Variants in MALT1 observed in about 807,000 individuals in gnomAD.
The protein encoded by MALT1 is mucosa-associated lymphoid tissue lymphoma translocation protein 1.
In MALT1, 36 loss-of-function variants were observed where a neutral mutation model predicts 85.5. The ratio of observed to expected loss-of-function variants is 0.42; its 90% CI spans 0.32 to 0.56. The LOEUF (loss-of-function observed/expected upper bound fraction) is 0.56, where lower values mean the gene tolerates loss of function less well. Among genes scored for constraint, MALT1 ranks in the 20% least tolerant of loss-of-function variants. The probability of loss-of-function intolerance (pLI) is 0.10; values close to 1 mark genes in which losing one functional copy is unlikely to be tolerated. For missense variants in MALT1, 716 were observed against 981.6 expected (o/e 0.73, Z 3.62); for synonymous variants, 359 against 361.3 (o/e 0.99, Z 0.07).
Position 58,741,858 on chromosome 18 carries a change from C to A in MALT1, c.1604-7C>A. 5 of 1,460,850 alleles carry A rather than the reference C, an allele frequency of 3.4e-6. No homozygotes were observed. The highest frequency in any genetic ancestry group is 2.3e-5 in the East Asian group (1 of 43,122). The allele number at this position is 1,460,850 out of a possible 1,614,324, so 90.5% of individuals were successfully genotyped here. A position where few individuals can be genotyped will look rare whatever the true frequency, so the allele number is the denominator to read the frequency against. On this transcript the variant is annotated splice_polypyrimidine_tract_variant and splice_region_variant and intron_variant, in intron 13 of 16. Coordinates refer to ENST00000649217, the MANE Select transcript of MALT1 (RefSeq NM_006785.4). ...TTAAAAATAATATTTATTTTCATAT[C>A]TTTTAGATATGGGTAAGTGTCACCT...
At chr18:58,683,053 A>G (rs2054345928) in intron 2 of MALT1, among the ~76,000 whole-genome samples, 1 of 152,230 alleles carries the variant, frequency 6.6e-6, no homozygotes, top group Non-Finnish European at 1.5e-5. Context: ...CATTACTGAT[A>G]GAAACAGTAG....
chr18:58,704,850 G>T (rs1261402452), intron 4 of MALT1, among the ~76,000 whole-genome samples: 1 of 152,096 alleles, frequency 6.6e-6, no homozygotes, highest in Non-Finnish European at 1.5e-5. Context: ...ACAGAATACA[G>T]GTAAGTGTTG....
chr18:58,729,007 AAGTC>A (rs113776248), intron 10 of MALT1, among the ~76,000 whole-genome samples: 73 of 152,304 alleles, frequency 4.8e-4, no homozygotes, highest in Middle Eastern at 3.4e-3. Flanking sequence ...TTTCTACTAA[AAGTC>A]AGACCCTTGA....
intron 4 of MALT1, among the ~76,000 whole-genome samples, chr18:58,708,796 A>G (rs945224018): frequency 5.9e-5 from 9 of 152,256 alleles, no homozygotes; most frequent in African/African-American, 2.2e-4. Flanking sequence ...ACTGAGTTTC[A>G]TAATGGAGAC....
chr18:58,752,446 CCT>C lies in MALT1; in HGVS notation c.*4605_*4606del, dbSNP rs1266927266. ...TACACATTACTTTTGTGCATTTCAT[CCT>C]GTTTCTCAGTTTGACATTGTCATTC... On this transcript the variant is annotated 3_prime_UTR_variant, in exon 17 of 17. Coordinates refer to ENST00000649217, the MANE Select transcript of MALT1 (RefSeq NM_006785.4). 6.6e-6 allele frequency: 1 copy of C among 152,116 alleles called. No individual in the cohort carries two copies. The highest frequency in any genetic ancestry group is 2.4e-5 in the African/African-American group (1 of 41,402). 9.4% of individuals were successfully genotyped at this position (152,116 alleles called of 1,614,324 possible).
chr18:58,726,334 G>T (rs747826722), intron 10 of MALT1, among the ~76,000 whole-genome samples: 1 of 152,186 alleles, frequency 6.6e-6, no homozygotes, highest in Non-Finnish European at 1.5e-5. Flanking sequence ...TACACTAAAT[G>T]TAAGTGTGGT....
intron 13 of MALT1, among the ~76,000 whole-genome samples, chr18:58,738,204 T>G (rs527511089): frequency 3.3e-5 from 5 of 152,228 alleles, no homozygotes; most frequent in Non-Finnish European, 7.4e-5. Context: ...CAAAAAAGTA[T>G]GCGTAGTTTT....
Position 58,747,527 on chromosome 18 carries a change from T to C in MALT1, c.2160T>C (p.Gly720=), listed in dbSNP as rs2055386317. The change falls in exon 17 of 17, where the codon GGT becomes GGC. Residue 720 remains glycine (G), a synonymous_variant. Coordinates refer to ENST00000649217, the MANE Select transcript of MALT1 (RefSeq NM_006785.4). ...PLIAKLDMHR[G]LGRKTCFQTC... is the part of the protein sequence containing the mutation. The stretch of plus-strand genomic sequence containing the variant: ...TTGCTAAATTAGACATGCATCGAGG[T>C]TTGGGAAGGAAGACTTGCTTTCAAA... The C allele has an allele frequency of 1.9e-6, 3 of 1,613,876 alleles. No homozygotes were observed. Among genetic ancestry groups the C allele is most frequent in the Non-Finnish European group, 2.5e-6 (3 of 1,179,990 alleles).
intron 2 of MALT1, among the ~76,000 whole-genome samples, chr18:58,692,407 C>CCTCTCTCTCTTTCTCTCT (rs2054519610): frequency 9.2e-5 from 12 of 130,458 alleles, no homozygotes; most frequent in African/African-American, 3.6e-4. Flanking sequence ...ACTGGCCATT[C>CCTCTCTCTCTTTCTCTCT]CTCTCTCTCT....
At chr18:58,696,257 T>G in intron 2 of MALT1, 109 bp from the exon 3 acceptor site, 2 of 894,600 alleles carry the variant, frequency 2.2e-6, no homozygotes, top group Non-Finnish European at 1.5e-6. Context: ...ATGACAAAGA[T>G]AAATATGCAA....
chr18:58,723,231 TTTTAGAC>T lies in MALT1; in HGVS notation c.1203_1209del (p.Leu402ArgfsTer43). ...AATGCTGTGGATGAGTTTTTACTCCTTTTAGACAAGGGAGTATATGGTAAGATATTTA... is the reference window on the plus strand; with the variant it reads ...AATGCTGTGGATGAGTTTTTACTCCTAAGGGAGTATATGGTAAGATATTTA... On this transcript the variant is annotated frameshift_variant, in exon 10 of 17. Coordinates refer to ENST00000649217, the MANE Select transcript of MALT1 (RefSeq NM_006785.4). LOFTEE classifies it high-confidence loss of function. 6.2e-7 allele frequency: 1 copy of T among 1,610,452 alleles called. No homozygotes were observed. Among genetic ancestry groups the T allele is most frequent in the Non-Finnish European group, 8.5e-7 (1 of 1,176,688 alleles).
At chr18:58,739,641 C>T (rs1305997356) in intron 13 of MALT1, among the ~76,000 whole-genome samples, 2 of 152,174 alleles carry the variant, frequency 1.3e-5, no homozygotes, top group Admixed American at 1.3e-4. Flanking sequence ...AGACTGACCT[C>T]CCACAAGCAT....
chr18:58,728,893 A>G (rs540734017), intron 10 of MALT1, among the ~76,000 whole-genome samples: 31 of 152,210 alleles, frequency 2.0e-4, no homozygotes, highest in African/African-American at 5.5e-4. Context: ...CTTCACCCCA[A>G]TCAAGTCTTG....
intron 7 of MALT1, among the ~76,000 whole-genome samples, chr18:58,712,497 A>T (rs1025185469): frequency 6.6e-5 from 10 of 152,192 alleles, no homozygotes; most frequent in African/African-American, 2.2e-4. Context: ...GGAGCTAAAA[A>T]AGTTGATCTC....
At position 58,697,565 on chromosome 18, in the gene MALT1, T is replaced by A. The variant is rs535154440; in HGVS notation, c.498+1078T>A. 2.0e-5 allele frequency among the ~76,000 whole-genome samples: 3 copies of A among 152,328 alleles called. No homozygotes were observed. In the South Asian group the frequency reaches 6.2e-4, roughly 32 times the overall value. ...AAGATTGCACCTAAAGGTATTTTTTTATCATATTTTCTCAATTGCAAAGTT... is the reference window on the plus strand; with the variant it reads ...AAGATTGCACCTAAAGGTATTTTTTAATCATATTTTCTCAATTGCAAAGTT... On this transcript the variant is annotated intron_variant, in intron 3 of 16. Coordinates refer to ENST00000649217, the MANE Select transcript of MALT1 (RefSeq NM_006785.4).
chr18:58,680,014 T>C lies in MALT1; in HGVS notation c.210-1156T>C, dbSNP rs114341709. ...GCCTGGGCAACATAGCAAGACAGCA[T>C]CTCTATTAAAAAAAAATTATCAAAA... On this transcript the variant is annotated intron_variant, in intron 1 of 16. Coordinates refer to ENST00000649217, the MANE Select transcript of MALT1 (RefSeq NM_006785.4). Among the ~76,000 whole-genome samples, 646 of 151,514 alleles carry C rather than the reference T, an allele frequency of 4.3e-3. 7 individuals carry two copies. Among genetic ancestry groups the C allele is most frequent in the African/African-American group, 0.014 (599 of 41,370 alleles).
intron 15 of MALT1, among the ~76,000 whole-genome samples, chr18:58,745,178 G>A (rs1568157808): frequency 1.3e-5 from 2 of 152,186 alleles, no homozygotes; most frequent in African/African-American, 2.4e-5. Context: ...AGCAAGCTGG[G>A]GGCCTGTGGG....
At position 58,735,311 on chromosome 18, in the gene MALT1, C is replaced by T. The variant is rs1368541531; in HGVS notation, c.1585C>T (p.Leu529=). 2 of 1,600,654 alleles carry T rather than the reference C, an allele frequency of 1.2e-6. No individual in the cohort carries two copies. Among genetic ancestry groups the T allele is most frequent in the East Asian group, 4.5e-5 (2 of 44,708 alleles). Residue 529 remains leucine (L), a synonymous_variant, in exon 13 of 17, where the codon CTG becomes TTG. Transcript: ENST00000649217. ...AGAAGATAAGAAAATCACTGTGTTA[C>T]TGGATGAAGTTGCAGAAGGTAAAAT... The part of the protein sequence containing the change: ...LLEDKKITVL[L]DEVAEDMGKC...
chr18:58,747,787 C>G lies in MALT1; in HGVS notation c.2420C>G (p.Thr807Arg), dbSNP rs1212452315. 1 of 1,613,970 alleles carries G rather than the reference C, an allele frequency of 6.2e-7. No individual in the cohort carries two copies. Among genetic ancestry groups the G allele is most frequent in the African/African-American group, 1.3e-5 (1 of 74,930 alleles). ...AGTAGAAGTAATGTGCCAGTAGAGA[C>G]AACTGATGAAATACCATTTAGTTTC... The part of the protein sequence containing the change: ...HFSRSNVPVE[T>R]TDEIPFSFSD... Residue 807 changes from threonine (T) to arginine (R), a missense_variant, in exon 17 of 17, where the codon ACA becomes AGA. By Grantham distance (71) the Thr-to-Arg change is moderately conservative. Around this residue, in one of 4 missense-constraint regions of MALT1, gnomAD observed 260 missense variants for 323.7 expected, o/e 0.80. Coordinates refer to ENST00000649217, the MANE Select transcript of MALT1 (RefSeq NM_006785.4).
Sources: gnomAD v4.1 joint callset for allele counts (sites outside exome capture counted in the v4.1 genomes callset) on GRCh38, gnomAD v4.1.1 for gene constraint, gnomAD v4.1.1 regional missense constraint, MANE v1.5 for transcripts, NCBI Gene and HGNC (gene_info 2026-07-23, HGNC 2026-07-21) for gene names.